Variants in SYCP2L observed in about 807,000 individuals in gnomAD.
SYCP2L encodes synaptonemal complex protein 2 like, also known as synaptonemal complex protein 2-like.
In SYCP2L, 98 loss-of-function variants were observed where a neutral mutation model predicts 125.8. The observed-to-expected ratio is 0.78, with a 90% CI of 0.66 to 0.92. The LOEUF is 0.92. Among genes scored for constraint, SYCP2L ranks in the 40% least tolerant of loss-of-function variants. The pLI is 0.00. For missense variants in SYCP2L, 842 were observed against 936.4 expected, an observed-to-expected ratio of 0.90 and a Z score of 1.32; for synonymous variants, 317 against 325.4, an observed-to-expected ratio of 0.97 and a Z score of 0.28.
Position 10,887,073 on chromosome 6 carries a change from C to T in SYCP2L, c.-54C>T. 2 of 1,612,952 alleles carry T rather than the reference C, an allele frequency of 1.2e-6. No individual in the cohort carries two copies. Among genetic ancestry groups the T allele is most frequent in the East Asian group, 2.2e-5 (1 of 44,840 alleles). On this transcript the variant is annotated 5_prime_UTR_variant, in exon 1 of 30. Transcript: ENST00000283141. ...GGGCGGGGAAGCAGGAGAGGGCCGA[C>T]CGAGCGCAACAAAGCTGAGCGGCGC...
Position 10,895,275 on chromosome 6 carries a change from ACTT to A in SYCP2L, c.336+1077_336+1079del, listed in dbSNP as rs142884763. 6.4e-3 allele frequency among the ~76,000 whole-genome samples: 973 copies of A among 152,260 alleles called. 19 individuals are homozygous for A. The highest frequency in any genetic ancestry group is 0.022 in the African/African-American group (902 of 41,554). ...GCTGACCTTTTGGGGTATGAATAGG[ACTT>A]CTTCTGCGCAGAGGGGTACCTCCTT... On this transcript the variant is annotated intron_variant, in intron 4 of 29. Transcript: ENST00000283141.
intron 8 of SYCP2L, among the ~76,000 whole-genome samples, chr6:10,905,174 A>G (rs995957400): frequency 1.2e-4 from 18 of 148,218 alleles, no homozygotes; most frequent in African/African-American, 4.0e-4. Context: ...AAAGAAGAAG[A>G]TCGACTCACA....
intron 17 of SYCP2L, among the ~76,000 whole-genome samples, chr6:10,927,708 G>T (rs111818231): frequency 8.4e-3 from 1,161 of 137,906 alleles, no homozygotes; most frequent in East Asian, 0.017. Flanking sequence ...CAATAACATC[G>T]TATCAGGAGA....
chr6:10,955,073 G>C, intron 23 of SYCP2L, 43 bp from the exon 24 acceptor site: 2 of 1,421,516 alleles, frequency 1.4e-6, no homozygotes. Flanking sequence ...AAATGAACAA[G>C]ATAATTTCGG....
intron 14 of SYCP2L, among the ~76,000 whole-genome samples, chr6:10,918,197 CAAAAAAAAAAA>C (rs540012555): frequency 1.3e-5 from 1 of 77,966 alleles, no homozygotes; most frequent in African/African-American, 4.7e-5. Context: ...GACTCCATCT[CAAAAAAAAAAA>C]AAAAAAGAAA....
intron 23 of SYCP2L, 119 bp downstream of exon 23, chr6:10,942,865 C>T: frequency 1.1e-6 from 1 of 915,484 alleles, no homozygotes; most frequent in Non-Finnish European, 1.6e-6. Context: ...TGACTATTGC[C>T]AGGCCGTGGA....
At chr6:10,940,946 A>C (rs1176832234) in intron 21 of SYCP2L, among the ~76,000 whole-genome samples, 1 of 152,164 alleles carries the variant, frequency 6.6e-6, no homozygotes. Context: ...GCAGCTCCTT[A>C]AGGTGCCGAT....
At position 10,926,884 on chromosome 6, in the gene SYCP2L, A is replaced by G. The variant is rs1421024264; in HGVS notation, c.1313-356A>G. ...AACCTCTGCCTCCTAGGTTTAAGCA[A>G]CTCTTCTGCCTCAGCCTCCCAAGTA... On this transcript the variant is annotated intron_variant, in intron 16 of 29. Coordinates refer to ENST00000283141, the MANE Select transcript of SYCP2L (RefSeq NM_001040274.3). Among the ~76,000 whole-genome samples, 3 of 150,018 alleles carry G rather than the reference A, an allele frequency of 2.0e-5. No homozygotes were observed. The East Asian group carries it at 5.9e-4, about 29-fold the overall frequency.
intron 23 of SYCP2L, among the ~76,000 whole-genome samples, chr6:10,943,615 A>T (rs1414806149): frequency 6.6e-6 from 1 of 152,176 alleles, no homozygotes; most frequent in African/African-American, 2.4e-5. Context: ...GGAACTAGAA[A>T]ATTGCCATTG....
chr6:10,893,757 C>T (rs940457755), intron 2 of SYCP2L, 110 bp from the exon 3 acceptor site: 2 of 1,137,892 alleles, frequency 1.8e-6, no homozygotes, highest in Non-Finnish European at 2.5e-6. Context: ...TCTATATTTA[C>T]CCTATATTAT....
chr6:10,905,956 G>A, intron 8 of SYCP2L, 64 bp from the exon 9 acceptor site: 1 of 1,057,890 alleles, frequency 9.5e-7, no homozygotes, highest in Non-Finnish European at 1.4e-6. Context: ...TTTAATGCTA[G>A]TGTAGTAAAG....
At chr6:10,906,698 A>G (rs992321325) in intron 9 of SYCP2L, among the ~76,000 whole-genome samples, 1 of 151,704 alleles carries the variant, frequency 6.6e-6, no homozygotes, top group South Asian at 2.1e-4. Flanking sequence ...CCCGTTTTCA[A>G]GCGACTCTCC....
In SYCP2L at chr6:10,928,384, C is replaced by A. The variant is rs767587918; in HGVS notation, c.1441-19C>A. The A allele has an allele frequency of 5.1e-5, 62 of 1,226,268 alleles. No homozygotes were observed. Among genetic ancestry groups the A allele is most frequent in the Non-Finnish European group, 6.3e-5 (54 of 850,408 alleles). 76.0% of individuals were successfully genotyped at this position (1,226,268 alleles called of 1,614,324 possible). A position where few individuals can be genotyped will look rare whatever the true frequency, so the allele number is the denominator to read the frequency against. On this transcript the variant is annotated intron_variant, in intron 17 of 29. Transcript: ENST00000283141. ...TAAATGTCTATGAAATCTTCACAAT[C>A]CACGTTCTTCTGCCATAGCTTCAGC...
At chr6:10,967,317 T>C (rs1345678027) in intron 29 of SYCP2L, among the ~76,000 whole-genome samples, 1 of 152,182 alleles carries the variant, frequency 6.6e-6, no homozygotes, top group Non-Finnish European at 1.5e-5. Context: ...GAAGTTTCTA[T>C]AACTTTGATA....
intron 23 of SYCP2L, among the ~76,000 whole-genome samples, chr6:10,943,336 A>C (rs2113381540): frequency 6.6e-6 from 1 of 152,304 alleles, no homozygotes; most frequent in Admixed American, 6.5e-5. Flanking sequence ...ACTAGTTATA[A>C]ATATGTGTAG....
At chr6:10,907,429 A>G (rs1780517826) in intron 9 of SYCP2L, 113 bp from the exon 10 acceptor site, 2 of 912,606 alleles carry the variant, frequency 2.2e-6, no homozygotes, top group African/African-American at 1.7e-5. Context: ...TTTAAGACAC[A>G]ATGCTAGGCT....
intron 14 of SYCP2L, among the ~76,000 whole-genome samples, chr6:10,915,499 A>G (rs946558617): frequency 2.0e-5 from 3 of 152,180 alleles, no homozygotes; most frequent in Admixed American, 6.5e-5. Context: ...TGTCCCTTGT[A>G]TGCCGATTTT....
chr6:10,903,415 G>T (rs1327404760), intron 8 of SYCP2L, among the ~76,000 whole-genome samples: 2 of 152,200 alleles, frequency 1.3e-5, no homozygotes, highest in African/African-American at 2.4e-5. Context: ...GGCTGTGGTG[G>T]TGGGCACCTG....
chr6:10,894,061 T>C (rs987510693), intron 3 of SYCP2L, 24 bp from the exon 4 acceptor site: 1 of 1,602,776 alleles, frequency 6.2e-7, no homozygotes, highest in Non-Finnish European at 8.5e-7. Context: ...ATAAGTGTTT[T>C]AACTTAGTGT....
Sources: allele counts gnomAD v4.1 joint callset (sites outside exome capture counted in the v4.1 genomes callset), GRCh38; gene constraint gnomAD v4.1.1; transcripts MANE v1.5; gene names NCBI Gene and HGNC (gene_info 2026-07-23, HGNC 2026-07-21).